Variants in POU6F1 observed in about 807,000 individuals in gnomAD.
The protein encoded by POU6F1 is POU domain, class 6, transcription factor 1.
In POU6F1, 9 loss-of-function variants were observed where a neutral mutation model predicts 28.9. The ratio of observed to expected loss-of-function variants is 0.31; its 90% CI spans 0.19 to 0.54. POU6F1 has a LOEUF of 0.54. Among genes scored for constraint, POU6F1 ranks in the 20% least tolerant of loss-of-function variants. The probability of loss-of-function intolerance (pLI) is 0.94; values close to 1 mark genes in which losing one functional copy is unlikely to be tolerated. For missense variants in POU6F1, 338 were observed against 426.1 expected (o/e 0.79, Z 1.82); for synonymous variants, 173 against 171.1 (o/e 1.01, Z -0.09).
chr12:51,192,836 C>T (rs774900215), intron 8 of POU6F1, among the ~76,000 whole-genome samples: 5 of 150,774 alleles, frequency 3.3e-5, no homozygotes, highest in African/African-American at 1.2e-4. Flanking sequence ...ACCTGGGAGG[C>T]GGAGGTTGCA....
Position 51,192,419 on chromosome 12 carries a change from G to A in POU6F1, c.1232C>T (p.Ala411Val). The A allele has an allele frequency of 1.9e-6, 3 of 1,614,056 alleles. No homozygotes were observed. Among genetic ancestry groups the A allele is most frequent in the Non-Finnish European group, 8.5e-7 (1 of 1,180,018 alleles). ...TGGCTTGGCGGCTGGAGCTGGGCTG[G>A]CAATGACCACAGCAGGCTGGGGCAC... Reference protein sequence around the residue: ...PTVPQPAVVIASPAPAAKPSA... With the variant: ...PTVPQPAVVIVSPAPAAKPSA... Residue 411 changes from alanine to valine, a missense_variant, in exon 9 of 11, where the codon GCC becomes GTC. Ala to Val is a moderately conservative substitution (Grantham distance 64). This residue lies in a region of POU6F1 where 206 missense variants were observed against 225.6 expected (regional missense o/e 0.91). Transcript: ENST00000333640.
chr12:51,191,892 C>T (rs951206821), intron 9 of POU6F1, 128 bp from the exon 10 acceptor site: 26 of 1,149,148 alleles, frequency 2.3e-5, no homozygotes, highest in Non-Finnish European at 2.9e-5. Flanking sequence ...CACGCACCTT[C>T]AAGACTCTTA....
In POU6F1 at chr12:51,196,932, G is replaced by A; in HGVS notation, c.847-5C>T. 1 of 1,541,352 alleles carries A rather than the reference G, an allele frequency of 6.5e-7. No individual in the cohort carries two copies. Among genetic ancestry groups the A allele is most frequent in the Non-Finnish European group, 8.9e-7 (1 of 1,117,888 alleles). ...CCCGAGGGAAGCAGCACTGATCTGT[G>A]GGTGGAGGAAGAGCCTTGCTCAGAA... On this transcript the variant is annotated splice_region_variant and splice_polypyrimidine_tract_variant and intron_variant, in intron 6 of 10. Coordinates refer to ENST00000333640, the MANE Select transcript of POU6F1 (RefSeq NM_001330422.2).
chr12:51,210,554 G>A (rs1943924139), intron 1 of POU6F1, among the ~76,000 whole-genome samples: 1 of 152,210 alleles, frequency 6.6e-6, no homozygotes, highest in African/African-American at 2.4e-5. Context: ...CTCACAGGGA[G>A]TGGCTGAGCA....
At position 51,196,818 on chromosome 12, in the gene POU6F1, A is replaced by G. The variant is rs1185281066; in HGVS notation, c.956T>C (p.Leu319Pro). 2 of 1,613,956 alleles carry G rather than the reference A, an allele frequency of 1.2e-6. No homozygotes were observed. The highest frequency in any genetic ancestry group is 2.2e-5 in the South Asian group (2 of 91,072). The change falls in exon 7 of 11, where the codon CTC becomes CCC. Residue 319 changes from leucine to proline, a missense_variant. Around this residue, in one of 3 missense-constraint regions of POU6F1, gnomAD observed 206 missense variants for 225.6 expected, o/e 0.91. Coordinates refer to ENST00000333640, the MANE Select transcript of POU6F1 (RefSeq NM_001330422.2). ...ACTTGCCTGTCCCTGAGCATTGGTGAGGATCTGACTGCTGATCCCTGGCAT... is the reference window on the plus strand; with the variant it reads ...ACTTGCCTGTCCCTGAGCATTGGTGGGGATCTGACTGCTGATCCCTGGCAT... ...PSMPGISSQILTNAQGQVIGT... is the reference protein window; with the variant it reads ...PSMPGISSQIPTNAQGQVIGT...
At position 51,189,610 on chromosome 12, in the gene POU6F1, GATCCC is replaced by G. The variant is rs781613085; in HGVS notation, c.*632_*636del. 4 of 152,876 alleles carry G rather than the reference GATCCC, an allele frequency of 2.6e-5. No homozygotes were observed. The highest frequency in any genetic ancestry group is 5.8e-5 in the Non-Finnish European group (4 of 68,476). The allele number at this position is 152,876 out of a possible 1,614,324, so 9.5% of individuals were successfully genotyped here. ...GGAACCAGGAAGAGGTGGAAGAGGA[GATCCC>G]ATGTTCCAGCCCCAGGGGTTTGGGA... On this transcript the variant is annotated 3_prime_UTR_variant, in exon 11 of 11. Coordinates refer to ENST00000333640, the MANE Select transcript of POU6F1 (RefSeq NM_001330422.2).
intron 2 of POU6F1, among the ~76,000 whole-genome samples, chr12:51,206,559 T>A (rs950597039): frequency 6.6e-6 from 1 of 151,926 alleles, no homozygotes; most frequent in African/African-American, 2.4e-5. Flanking sequence ...CCTTTCCCCA[T>A]GTAAACTTAA....
intron 1 of POU6F1, among the ~76,000 whole-genome samples, chr12:51,215,323 G>C (rs1190141323): frequency 6.6e-6 from 1 of 152,044 alleles, no homozygotes; most frequent in African/African-American, 2.4e-5. Flanking sequence ...GGGAGGCCGA[G>C]GCGGGCGGAT....
intron 1 of POU6F1, among the ~76,000 whole-genome samples, chr12:51,215,409 G>T (rs188908967): frequency 1.6e-4 from 25 of 151,976 alleles, no homozygotes; most frequent in African/African-American, 5.5e-4. Flanking sequence ...ACAAAAATTA[G>T]CCAGGCATGG....
At chr12:51,216,070 C>G (rs1462630489) in intron 1 of POU6F1, among the ~76,000 whole-genome samples, 1 of 152,146 alleles carries the variant, frequency 6.6e-6, no homozygotes, top group Non-Finnish European at 1.5e-5. Flanking sequence ...GTAATCCCAG[C>G]ACTTTGGGAG....
intron 8 of POU6F1, 97 bp from the exon 9 acceptor site, chr12:51,192,568 A>C (rs1029081087): frequency 1.3e-6 from 2 of 1,488,452 alleles, no homozygotes; most frequent in Middle Eastern, 2.5e-4. Flanking sequence ...AACAGACATG[A>C]AATCCTCACG....
Position 51,206,462 on chromosome 12 carries a change from T to TA in POU6F1, c.48+326dup, listed in dbSNP as rs1472929310. On this transcript the variant is annotated intron_variant, in intron 2 of 10. Transcript: ENST00000333640. ...AACAAACAAACAAAAAAGATATAAG[T>TA]AATAGTAATTTGCAAAAAAAAAAAA... Among the ~76,000 whole-genome samples the TA allele has an allele frequency of 4.5e-5, 6 of 133,044 alleles. No homozygotes were observed. In the Admixed American group the frequency reaches 4.5e-4, roughly 10 times the overall value. The allele number at this position is 133,044 out of a possible 152,430, so 87.3% of individuals were successfully genotyped here.
At position 51,197,904 on chromosome 12, in the gene POU6F1, GCTGGGTCTGGAACAGCGT is replaced by G. The variant is rs1942947733; in HGVS notation, c.694_711del (p.Thr232_Gln237del). On this transcript the variant is annotated inframe_deletion, in exon 6 of 11. Transcript: ENST00000333640. ...ATGGCAGGTGTGGTCTGCAGCAGCG[GCTGGGTCTGGAACAGCGT>G]CTGGGGCTGGGCTGGTGGCCGGGGT... 1 of 405,604 alleles carries G rather than the reference GCTGGGTCTGGAACAGCGT, an allele frequency of 2.5e-6. No individual in the cohort carries two copies. Among genetic ancestry groups the G allele is most frequent in the Non-Finnish European group, 4.3e-6 (1 of 230,782 alleles). 25.1% of individuals were successfully genotyped at this position (405,604 alleles called of 1,614,324 possible).
chr12:51,190,093 G>T lies in POU6F1; in HGVS notation c.*154C>A. 7.6e-7 allele frequency: 1 copy of T among 1,321,396 alleles called. No individual in the cohort carries two copies. 81.9% of individuals were successfully genotyped at this position (1,321,396 alleles called of 1,614,324 possible). A position where few individuals can be genotyped will look rare whatever the true frequency, so the allele number is the denominator to read the frequency against. On this transcript the variant is annotated 3_prime_UTR_variant, in exon 11 of 11. Coordinates refer to ENST00000333640, the MANE Select transcript of POU6F1 (RefSeq NM_001330422.2). This position sits in a 1 kb window ranked among gnomAD's most constrained non-coding sequence, Gnocchi z 4.5. Reference sequence around the variant, plus strand: ...GATGTGAGATGTGTGGGAGAAAAGAGGGACATTGATGCACATGCACACGGT... The same window carrying T: ...GATGTGAGATGTGTGGGAGAAAAGATGGACATTGATGCACATGCACACGGT...
Position 51,190,727 on chromosome 12 carries a change from C to T in POU6F1, c.1491-135G>A. ...TGGTGAGACTGTACCCAGTGCTCCC[C>T]TCACCACCTCCACCAAGACCCCTCT... On this transcript the variant is annotated intron_variant, in intron 10 of 10. Transcript: ENST00000333640. The surrounding 1 kb of genome is among the most constrained non-coding windows in gnomAD (Gnocchi z 4.5). 7.4e-7 allele frequency: 1 copy of T among 1,343,074 alleles called. No homozygotes were observed. The highest frequency in any genetic ancestry group is 1.5e-5 in the South Asian group (1 of 68,086). 83.2% of individuals were successfully genotyped at this position (1,343,074 alleles called of 1,614,324 possible).
At chr12:51,198,970 C>A (rs1291305437) in intron 4 of POU6F1, among the ~76,000 whole-genome samples, 195 bp from the exon 5 acceptor site, 1 of 152,216 alleles carries the variant, frequency 6.6e-6, no homozygotes, top group Non-Finnish European at 1.5e-5. Context: ...CCTGGACCGA[C>A]TATCCTGCCT....
intron 1 of POU6F1, among the ~76,000 whole-genome samples, chr12:51,211,721 C>T (rs1240411399): frequency 6.6e-6 from 1 of 152,160 alleles, no homozygotes; most frequent in Non-Finnish European, 1.5e-5. Flanking sequence ...CCACTACACT[C>T]CAGCCTGCAC....
chr12:51,210,292 T>C (rs990492895), intron 1 of POU6F1, among the ~76,000 whole-genome samples: 2 of 152,052 alleles, frequency 1.3e-5, no homozygotes, highest in African/African-American at 2.4e-5. Context: ...TCGTTACACA[T>C]AGAAGCCATT....
In POU6F1 at chr12:51,196,137, T is replaced by A. The variant is rs370748294; in HGVS notation, c.1012A>T (p.Ser338Cys). Reference sequence around the variant, plus strand: ...TGGGCTGGTGCTGGGGCCGCCACACTAGCTGAGTTCACTACCCATGGAAGG... The same window carrying A: ...TGGGCTGGTGCTGGGGCCGCCACACAAGCTGAGTTCACTACCCATGGAAGG... ...GTLPWVVNSA[S>C]VAAPAPAQSL... Residue 338 changes from serine (S) to cysteine (C), a missense_variant, in exon 8 of 11, where the codon AGT becomes TGT. Around this residue, in one of 3 missense-constraint regions of POU6F1, gnomAD observed 206 missense variants for 225.6 expected, o/e 0.91. Transcript: ENST00000333640. 49 of 1,564,298 alleles carry A rather than the reference T, an allele frequency of 3.1e-5. No individual in the cohort carries two copies. Among genetic ancestry groups the A allele is most frequent in the African/African-American group, 5.4e-5 (4 of 73,514 alleles).
Sources: gnomAD v4.1 joint callset for allele counts (sites outside exome capture counted in the v4.1 genomes callset) on GRCh38, gnomAD v4.1.1 for gene constraint, gnomAD v4.1.1 regional missense constraint, Gnocchi (gnomAD v3.1) non-coding constraint, MANE v1.5 for transcripts, NCBI Gene and HGNC (gene_info 2026-07-23, HGNC 2026-07-21) for gene names.